ANO4: variants seen among roughly 807,000 people sequenced by gnomAD.
ANO4 encodes anoctamin-4.
A neutral mutation model predicts 141.9 loss-of-function variants in ANO4; 69 were observed. The ratio of observed to expected loss-of-function variants is 0.49; its 90% confidence interval spans 0.40 to 0.59. ANO4 has a LOEUF of 0.59. Ranked by LOEUF, ANO4 falls within the 20% of genes least tolerant of loss-of-function variation. The pLI is 0.00. For synonymous variants in ANO4, 350 were observed against 394.3 expected, an observed-to-expected ratio of 0.89 and a Z score of 1.33; for missense variants, 894 against 1,162.2, an observed-to-expected ratio of 0.77 and a Z score of 3.36.
rs761457503 is a variant in ANO4, at chr12:101,042,439, C to T, written c.1125C>T (p.Gly375=). The T allele has an allele frequency of 7.1e-5, 114 of 1,613,944 alleles. No homozygotes were observed. The highest frequency in any genetic ancestry group is 3.3e-4 in the Middle Eastern group (2 of 6,084). ...AFIGLFVFLY[G]VTTLDHSQVS... is the part of the protein sequence containing the mutation. ...TTGGATTGTTTGTCTTTTTGTATGGCGTCACCACTCTGGATCACAGCCAAG... is the reference window on the plus strand; with the variant it reads ...TTGGATTGTTTGTCTTTTTGTATGGTGTCACCACTCTGGATCACAGCCAAG... The change falls in exon 12 of 28, where the codon GGC becomes GGT. Residue 375 remains glycine, a synonymous_variant. Transcript: ENST00000392977.
At chr12:100,849,032 G>A (rs1719594630) in intron 1 of ANO4, among the ~76,000 whole-genome samples, 1 of 152,134 alleles carries the variant, frequency 6.6e-6, no homozygotes, top group Non-Finnish European at 1.5e-5. Context: ...TTTCCACTTT[G>A]TAGGCCTCGT....
chr12:100,879,419 G>A (rs2039463359), intron 1 of ANO4, among the ~76,000 whole-genome samples: 1 of 152,156 alleles, frequency 6.6e-6, no homozygotes, highest in African/African-American at 2.4e-5. Context: ...TTAGGGATTG[G>A]ATTAGAATTT....
chr12:100,769,850 T>C (rs2033223425), intron 3 of ANO4, among the ~76,000 whole-genome samples: 1 of 152,222 alleles, frequency 6.6e-6, no homozygotes, highest in Non-Finnish European at 1.5e-5. Flanking sequence ...TAATAGTTGG[T>C]TATAAGATAT....
intron 3 of ANO4, among the ~76,000 whole-genome samples, chr12:100,937,245 A>G (rs1281113108): frequency 6.6e-6 from 1 of 152,214 alleles, no homozygotes; most frequent in Non-Finnish European, 1.5e-5. Context: ...TCTGTACATC[A>G]GTCAAGACAG....
chr12:100,786,982 A>G (rs966894555), intron 3 of ANO4, among the ~76,000 whole-genome samples: 2 of 152,154 alleles, frequency 1.3e-5, no homozygotes, highest in African/African-American at 4.8e-5. Context: ...ATAGGTAAAA[A>G]CACTCTCCCA....
intron 1 of ANO4, among the ~76,000 whole-genome samples, chr12:100,722,162 C>G (rs896956351): frequency 6.6e-6 from 1 of 152,130 alleles, no homozygotes; most frequent in African/African-American, 2.4e-5. Flanking sequence ...TCTCAATCAC[C>G]AAGTCCTGTT....
chr12:100,926,905 T>C (rs1402190625), intron 3 of ANO4, among the ~76,000 whole-genome samples: 2 of 152,060 alleles, frequency 1.3e-5, no homozygotes, highest in African/African-American at 2.4e-5. Flanking sequence ...CCTGGGAGAC[T>C]GCAGGGGAGC....
intron 3 of ANO4, among the ~76,000 whole-genome samples, chr12:100,785,968 A>G (rs536696313): frequency 6.6e-6 from 1 of 152,324 alleles, no homozygotes; most frequent in East Asian, 1.9e-4. Flanking sequence ...GTTTTATTTT[A>G]CCAAAATATG....
chr12:100,808,585 A>G (rs1316934653), intron 1 of ANO4, among the ~76,000 whole-genome samples: 1 of 152,150 alleles, frequency 6.6e-6, no homozygotes, highest in Non-Finnish European at 1.5e-5. Flanking sequence ...GTTTTAAGAT[A>G]TTCTTCCTAT....
At chr12:101,119,297 A>G (rs1395496614) in intron 25 of ANO4, among the ~76,000 whole-genome samples, 1 of 152,074 alleles carries the variant, frequency 6.6e-6, no homozygotes, top group Non-Finnish European at 1.5e-5. Flanking sequence ...GTCTCTACCA[A>G]AAATACAAAA....
In ANO4 at chr12:100,987,458, G is replaced by A. The variant is rs946121410; in HGVS notation, c.603-81G>A. ...TGGAATGTGTGGTATGATAGTTGTG[G>A]CTCTGCGGAGACCTTCCTCCTGTGT... is the stretch of plus-strand genomic sequence containing the variant. On this transcript the variant is annotated intron_variant, in intron 7 of 27. Transcript: ENST00000392977. 2.0e-5 allele frequency: 31 copies of A among 1,537,586 alleles called. No individual in the cohort carries two copies. The Admixed American group carries it at 4.7e-4, about 23-fold the overall frequency.
chr12:100,960,958 T>C (rs1337983583), intron 5 of ANO4, among the ~76,000 whole-genome samples: 1 of 152,220 alleles, frequency 6.6e-6, no homozygotes, highest in African/African-American at 2.4e-5. Flanking sequence ...TGACATTGCT[T>C]ACTTCTAAGG....
At chr12:101,120,221 C>G (rs767037042) in intron 25 of ANO4, among the ~76,000 whole-genome samples, 3 of 152,146 alleles carry the variant, frequency 2.0e-5, no homozygotes, top group Non-Finnish European at 4.4e-5. Context: ...TGATCATTCA[C>G]TAAGTGATAG....
At chr12:100,966,088 G>C (rs2043640676) in intron 5 of ANO4, among the ~76,000 whole-genome samples, 1 of 152,060 alleles carries the variant, frequency 6.6e-6, no homozygotes, top group Admixed American at 6.6e-5. Flanking sequence ...CAGGATTTCT[G>C]GTGGTTCGGG....
chr12:100,883,685 C>T (rs1455476226), intron 1 of ANO4, among the ~76,000 whole-genome samples: 1 of 152,156 alleles, frequency 6.6e-6, no homozygotes, highest in Non-Finnish European at 1.5e-5. Context: ...TAGGCTTACA[C>T]TATTCACATT....
At chr12:101,100,411 G>C (rs1288666583) in intron 22 of ANO4, among the ~76,000 whole-genome samples, 3 of 152,106 alleles carry the variant, frequency 2.0e-5, no homozygotes, top group Non-Finnish European at 4.4e-5. Flanking sequence ...AGGAATAGTA[G>C]AATTGATGCT....
intron 6 of ANO4, among the ~76,000 whole-genome samples, chr12:100,973,449 T>C (rs2044017789): frequency 6.6e-6 from 1 of 152,238 alleles, no homozygotes; most frequent in Non-Finnish European, 1.5e-5. Flanking sequence ...ATCCCTATAA[T>C]GTTTAAAAGG....
chr12:101,056,009 G>A (rs367886166), intron 14 of ANO4, among the ~76,000 whole-genome samples: 4 of 152,152 alleles, frequency 2.6e-5, no homozygotes, highest in African/African-American at 9.6e-5. Context: ...TTTTTATTAT[G>A]TTTGATGTGT....
chr12:101,103,920 CA>C (rs976855773), intron 22 of ANO4, among the ~76,000 whole-genome samples: 1 of 151,824 alleles, frequency 6.6e-6, no homozygotes, highest in African/African-American at 2.4e-5. Flanking sequence ...AGGACTATTT[CA>C]TTTTTTTGTT....
Sources: gnomAD v4.1 joint callset for allele counts (sites outside exome capture counted in the v4.1 genomes callset) on GRCh38, gnomAD v4.1.1 for gene constraint, MANE v1.5 for transcripts, NCBI Gene and HGNC (gene_info 2026-07-23, HGNC 2026-07-21) for gene names.